ANO4: variants seen among roughly 807,000 people sequenced by gnomAD.
ANO4 encodes anoctamin 4, also known as anoctamin-4.
A neutral mutation model predicts 141.9 loss-of-function variants in ANO4; 69 were observed. That is an observed-to-expected ratio of 0.49 (90% CI 0.40 to 0.59). ANO4 has a LOEUF of 0.59. Ranked by LOEUF, ANO4 falls within the 20% of genes least tolerant of loss-of-function variation. The pLI is 0.00. For synonymous variants in ANO4, 350 were observed against 394.3 expected (o/e 0.89, Z 1.33); for missense variants, 894 against 1,162.2 (o/e 0.77, Z 3.36).
chr12:100,821,337 T>A (rs2036040518), intron 1 of ANO4, among the ~76,000 whole-genome samples: 1 of 152,082 alleles, frequency 6.6e-6, no homozygotes, highest in Admixed American at 6.6e-5. Context: ...TTTCTCTTAG[T>A]GCTATTTGTT....
At chr12:101,019,513 T>C (rs111613859) in intron 8 of ANO4, among the ~76,000 whole-genome samples, 3 of 152,186 alleles carry the variant, frequency 2.0e-5, no homozygotes, top group Admixed American at 6.5e-5. Context: ...CGAAAGAACA[T>C]GGAAAAGGTA....
At chr12:100,832,027 T>C (rs1161963894) in intron 1 of ANO4, among the ~76,000 whole-genome samples, 1 of 152,110 alleles carries the variant, frequency 6.6e-6, no homozygotes, top group African/African-American at 2.4e-5. Flanking sequence ...TTAACAATCC[T>C]TAAATCTGTT....
At chr12:101,053,114 G>A (rs538684051) in intron 14 of ANO4, among the ~76,000 whole-genome samples, 8 of 152,298 alleles carry the variant, frequency 5.3e-5, no homozygotes, top group Non-Finnish European at 7.4e-5. Context: ...TTAAAGAAGC[G>A]TTGATAATTA....
intron 14 of ANO4, among the ~76,000 whole-genome samples, chr12:101,070,344 G>C (rs1434415033): frequency 1.3e-5 from 2 of 152,116 alleles, no homozygotes. Flanking sequence ...GGATAGAATA[G>C]AGAGCCCCAA....
At chr12:100,916,368 TA>T (rs557156592) in intron 2 of ANO4, among the ~76,000 whole-genome samples, 11 of 151,364 alleles carry the variant, frequency 7.3e-5, no homozygotes, top group South Asian at 2.1e-4. Flanking sequence ...AATTGTAGAC[TA>T]AAAAAAAATC....
At chr12:100,963,706 C>T (rs1001045025) in intron 5 of ANO4, among the ~76,000 whole-genome samples, 1 of 152,102 alleles carries the variant, frequency 6.6e-6, no homozygotes, top group Non-Finnish European at 1.5e-5. Flanking sequence ...TTGCCCAGTG[C>T]TACACAGTTG....
intron 1 of ANO4, among the ~76,000 whole-genome samples, chr12:100,845,475 T>C (rs962183198): frequency 1.3e-5 from 2 of 152,196 alleles, no homozygotes; most frequent in Non-Finnish European, 2.9e-5. Flanking sequence ...GGACGTTGTT[T>C]GAGCATCCAT....
At chr12:101,070,079 T>C (rs1198945511) in intron 14 of ANO4, among the ~76,000 whole-genome samples, 1 of 152,188 alleles carries the variant, frequency 6.6e-6, no homozygotes, top group Non-Finnish European at 1.5e-5. Context: ...ATTGTTAAGA[T>C]GCCCACACTA....
At chr12:101,092,222 C>CAA (rs754145181) in intron 17 of ANO4, among the ~76,000 whole-genome samples, 1 of 140,134 alleles carries the variant, frequency 7.1e-6, no homozygotes, top group African/African-American at 2.6e-5. Flanking sequence ...TCTCATCTTC[C>CAA]AAAAAAAAAA....
chr12:101,059,192 T>C (rs1378190648), intron 14 of ANO4, among the ~76,000 whole-genome samples: 4 of 152,222 alleles, frequency 2.6e-5, no homozygotes, highest in African/African-American at 9.6e-5. Context: ...TGAACCAGCC[T>C]TGCATCCCAG....
intron 3 of ANO4, among the ~76,000 whole-genome samples, chr12:100,766,231 T>C (rs559168215): frequency 6.6e-6 from 1 of 152,328 alleles, no homozygotes; most frequent in Admixed American, 6.5e-5. Flanking sequence ...TAGTATTCTG[T>C]TGTCTGTGCT....
At chr12:101,115,854 T>C (rs2050831147) in intron 24 of ANO4, among the ~76,000 whole-genome samples, 1 of 152,190 alleles carries the variant, frequency 6.6e-6, no homozygotes, top group Non-Finnish European at 1.5e-5. Context: ...ATCAGATCGA[T>C]TCAATATTTA....
intron 1 of ANO4, among the ~76,000 whole-genome samples, chr12:100,849,089 T>C (rs532226223): frequency 2.0e-5 from 3 of 152,308 alleles, no homozygotes; most frequent in East Asian, 3.9e-4. Context: ...TAGTTAAACA[T>C]GTAAATTAAT....
intron 1 of ANO4, among the ~76,000 whole-genome samples, chr12:100,841,855 G>A (rs1270247595): frequency 3.3e-5 from 5 of 152,108 alleles, no homozygotes; most frequent in African/African-American, 1.2e-4. Context: ...TTTGCTGTTT[G>A]CTCTTTGTAG....
intron 16 of ANO4, among the ~76,000 whole-genome samples, chr12:101,085,950 GATGTAACCAT>G (rs974927316): frequency 6.6e-6 from 1 of 152,104 alleles, no homozygotes; most frequent in African/African-American, 2.4e-5. Flanking sequence ...TCCTGAAAAA[GATGTAACCAT>G]ATGGTATGGC....
chr12:100,997,386 G>A (rs2045437031), intron 8 of ANO4, among the ~76,000 whole-genome samples: 1 of 149,980 alleles, frequency 6.7e-6, no homozygotes, highest in African/African-American at 2.5e-5. Flanking sequence ...ACCTCCTGTA[G>A]GTGCCACATA....
In ANO4 at chr12:101,086,640, G is replaced by C. The variant is rs900020451; in HGVS notation, c.1537-20G>C. ...AACATTCCACCAAGAGGTTCACCGG[G>C]TGTCTTGTCTTCCTGCCAGATCTGC... On this transcript the variant is annotated intron_variant, in intron 16 of 27. Transcript: ENST00000392977. 1 of 1,612,756 alleles carries C rather than the reference G, an allele frequency of 6.2e-7. No individual in the cohort carries two copies. Among genetic ancestry groups the C allele is most frequent in the East Asian group, 2.2e-5 (1 of 44,860 alleles).
chr12:100,942,153 G>A (rs1194272108), intron 4 of ANO4, among the ~76,000 whole-genome samples: 5 of 151,906 alleles, frequency 3.3e-5, no homozygotes, highest in Admixed American at 3.3e-4. Context: ...GCTAATTTTT[G>A]TATTTTTAAT....
At chr12:100,942,201 G>A (rs566447713) in intron 4 of ANO4, among the ~76,000 whole-genome samples, 176 bp from the exon 5 acceptor site, 9 of 152,054 alleles carry the variant, frequency 5.9e-5, no homozygotes, top group Admixed American at 5.9e-4. Flanking sequence ...GGCTGGTCTC[G>A]AACTCCTGAC....
Sources: gnomAD v4.1 joint callset for allele counts (sites outside exome capture counted in the v4.1 genomes callset) on GRCh38, gnomAD v4.1.1 for gene constraint, MANE v1.5 for transcripts, NCBI Gene and HGNC (gene_info 2026-07-23, HGNC 2026-07-21) for gene names.